Variants in SH2D3C observed in about 807,000 individuals in gnomAD.
SH2D3C encodes SH2 domain-containing protein 3C.
SH2D3C carries 25 observed loss-of-function variants against 75.2 expected under a neutral mutation model. That is an observed-to-expected ratio of 0.33 (90% confidence interval 0.24 to 0.46). The LOEUF (loss-of-function observed/expected upper bound fraction) is 0.46, where lower values mean the gene tolerates loss of function less well. Among genes scored for constraint, SH2D3C ranks in the 20% least tolerant of loss-of-function variants. The pLI is 1.00. For synonymous variants in SH2D3C, 450 were observed against 473.7 expected, an observed-to-expected ratio of 0.95 and a Z score of 0.65; for missense variants, 933 against 1,165.3, an observed-to-expected ratio of 0.80 and a Z score of 2.90.
intron 2 of SH2D3C, among the ~76,000 whole-genome samples, chr9:127,768,949 C>T (rs1845684934): frequency 6.6e-6 from 1 of 152,242 alleles, no homozygotes; most frequent in South Asian, 2.1e-4. Flanking sequence ...CACTTCCTCA[C>T]TGAGCCTTTC....
At chr9:127,769,226 A>G (rs537184838) in intron 2 of SH2D3C, among the ~76,000 whole-genome samples, 108 of 152,346 alleles carry the variant, frequency 7.1e-4, no homozygotes, top group African/African-American at 2.5e-3. Flanking sequence ...GACAATGAAT[A>G]TCATTCCCAT....
chr9:127,758,609 GCT>G (rs1410628129), intron 3 of SH2D3C, among the ~76,000 whole-genome samples: 1 of 152,122 alleles, frequency 6.6e-6, no homozygotes, highest in Non-Finnish European at 1.5e-5. Context: ...GCTACCCTGG[GCT>G]CTGTTTCTGG....
chr9:127,760,143 T>A (rs1242969802), intron 3 of SH2D3C, among the ~76,000 whole-genome samples: 2 of 151,882 alleles, frequency 1.3e-5, no homozygotes, highest in African/African-American at 2.4e-5. Context: ...CTTAAAAAAA[T>A]AATAATAAAA....
rs1160964139 is a variant in SH2D3C, at chr9:127,739,339, C to T, written c.2407+343G>A. ...AGCGGCCCAACATGGTGGAACCCCA[C>T]CTCTACTAAAAATACAAAAAATTGG... On this transcript the variant is annotated intron_variant, in intron 11 of 11. Transcript: ENST00000314830. The surrounding 1 kb of genome is among the most constrained non-coding windows in gnomAD (Gnocchi z 4.3). Among the ~76,000 whole-genome samples the T allele has an allele frequency of 1.3e-5, 2 of 151,824 alleles. No individual in the cohort carries two copies. Among genetic ancestry groups the T allele is most frequent in the Admixed American group, 6.6e-5 (1 of 15,224 alleles).
At chr9:127,771,073 C>T (rs1845727162) in intron 2 of SH2D3C, 1 of 780,780 alleles carries the variant, frequency 1.3e-6, no homozygotes, top group Non-Finnish European at 2.0e-6. Context: ...TTAGAAAAGT[C>T]CCTGATGCTA....
At chr9:127,760,438 A>C (rs1407655002) in intron 3 of SH2D3C, among the ~76,000 whole-genome samples, 1 of 152,060 alleles carries the variant, frequency 6.6e-6, no homozygotes, top group Non-Finnish European at 1.5e-5. Context: ...CACCATTAAG[A>C]GTATGTGGTG....
chr9:127,774,320 T>C lies in SH2D3C; in HGVS notation c.185A>G (p.Lys62Arg). The C allele has an allele frequency of 5.6e-6, 9 of 1,614,012 alleles. No homozygotes were observed. The highest frequency in any genetic ancestry group is 7.6e-6 in the Non-Finnish European group (9 of 1,180,006). Residue 62 changes from lysine (K) to arginine (R), a missense_variant, in exon 2 of 12, where the codon AAG (lysine) becomes AGG (arginine). Coordinates refer to ENST00000314830, the MANE Select transcript of SH2D3C (RefSeq NM_170600.3). This position sits in a 1 kb window ranked among gnomAD's most constrained non-coding sequence, Gnocchi z 4.3. ...GGAGCGGGCATAGGCTGGGGGACTC[T>C]TGGGCACCGTCACCATGTCATCCTG... is the stretch of plus-strand genomic sequence containing the variant. ...ATQDDMVTVP[K>R]SPPAYARSSD...
At chr9:127,773,903 G>GCTGT in intron 2 of SH2D3C, 87 bp downstream of exon 2, 1 of 771,720 alleles carries the variant, frequency 1.3e-6, no homozygotes. Context: ...GAGAGACAGA[G>GCTGT]CGACACTCTG....
At chr9:127,750,609 T>C (rs1435200211) in intron 4 of SH2D3C, among the ~76,000 whole-genome samples, 1 of 152,210 alleles carries the variant, frequency 6.6e-6, no homozygotes, top group Non-Finnish European at 1.5e-5. Flanking sequence ...CCCTGGGCCA[T>C]TAGCCATCAA....
At chr9:127,756,072 A>C (rs1238110023) in intron 3 of SH2D3C, among the ~76,000 whole-genome samples, 1 of 152,162 alleles carries the variant, frequency 6.6e-6, no homozygotes, top group Non-Finnish European at 1.5e-5. Context: ...GACCGGGGCA[A>C]GTGCATCACT....
In SH2D3C at chr9:127,761,065, T is replaced by C. The variant is rs559243914; in HGVS notation, c.555+546A>G. On this transcript the variant is annotated intron_variant, in intron 3 of 11. Coordinates refer to ENST00000314830, the MANE Select transcript of SH2D3C (RefSeq NM_170600.3). ...CATGTTGGCCAGACTGGTCCTGCATTCCTGACCTCAGGTGATCCACCCGCC... is the reference window on the plus strand; with the variant it reads ...CATGTTGGCCAGACTGGTCCTGCATCCCTGACCTCAGGTGATCCACCCGCC... Among the ~76,000 whole-genome samples, 380 of 152,262 alleles carry C rather than the reference T, an allele frequency of 2.5e-3. 2 individuals are homozygous for C. The highest frequency in any genetic ancestry group is 8.9e-3 in the African/African-American group (368 of 41,548).
chr9:127,744,812 C>G lies in SH2D3C; in HGVS notation c.1552G>C (p.Ala518Pro). 4 of 1,614,222 alleles carry G rather than the reference C, an allele frequency of 2.5e-6. No individual in the cohort carries two copies. Among genetic ancestry groups the G allele is most frequent in the Non-Finnish European group, 3.4e-6 (4 of 1,180,042 alleles). ...TTTAGCCTCTCCCCATAGCTCCTGGCCTGCTGGCTGGAGGTCTCAGTCGCT... is the reference window on the plus strand; with the variant it reads ...TTTAGCCTCTCCCCATAGCTCCTGGGCTGCTGGCTGGAGGTCTCAGTCGCT... ...WAATETSSQQ[A>P]RSYGERLKEL... Residue 518 changes from alanine (A) to proline (P), a missense_variant, in exon 7 of 12, where the codon GCC becomes CCC. Coordinates refer to ENST00000314830, the MANE Select transcript of SH2D3C (RefSeq NM_170600.3).
At chr9:127,747,935 A>T (rs565838422) in intron 5 of SH2D3C, among the ~76,000 whole-genome samples, 1 of 152,162 alleles carries the variant, frequency 6.6e-6, no homozygotes, top group East Asian at 1.9e-4. Context: ...CAGCCTGAGG[A>T]TGAGGCTTGG....
rs1415884213 is a variant in SH2D3C at position 127,766,845 on chromosome 9, C to G, written c.516-5195G>C. The G allele has an allele frequency of 2.3e-6, 3 of 1,306,220 alleles. No individual in the cohort carries two copies. In the African/African-American group the frequency reaches 4.4e-5, roughly 19 times the overall value. The allele number at this position is 1,306,220 out of a possible 1,614,324, so 80.9% of individuals were successfully genotyped here. On this transcript the variant is annotated intron_variant, in intron 2 of 11. Transcript: ENST00000314830. The stretch of plus-strand genomic sequence containing the variant: ...TTGGCCTCCCAAAGTGCTGGGGTTA[C>G]AGGCGTGAGCCCTGTGCCCAGCTTC...
At chr9:127,742,528 C>G in intron 8 of SH2D3C, 1 of 264,566 alleles carries the variant, frequency 3.8e-6, no homozygotes, top group Non-Finnish European at 7.2e-6. Context: ...CGAGCCACCG[C>G]GCCCGGCCAG....
At position 127,754,911 on chromosome 9, in the gene SH2D3C, G is replaced by A. The variant is rs545963765; in HGVS notation, c.556-3611C>T. ...CCGCGGAGCGCCTGGGCGCCCAGAG[G>A]TGAGGCTGGGGTGACCCCGCCCCCT... On this transcript the variant is annotated intron_variant, in intron 3 of 11. Transcript: ENST00000314830. This position sits in a 1 kb window ranked among gnomAD's most constrained non-coding sequence, Gnocchi z 4.4. 53 of 517,072 alleles carry A rather than the reference G, an allele frequency of 1.0e-4. 1 individual carries two copies. The highest frequency in any genetic ancestry group is 6.5e-4 in the South Asian group (42 of 64,578). 32.0% of individuals were successfully genotyped at this position (517,072 alleles called of 1,614,324 possible).
chr9:127,755,185 G>C, intron 3 of SH2D3C: 2 of 1,210,716 alleles, frequency 1.7e-6, no homozygotes, highest in Non-Finnish European at 2.1e-6. Context: ...CCGGGGCCGG[G>C]ACGGTGTGGG....
chr9:127,775,991 A>G (rs1413872372), intron 1 of SH2D3C, among the ~76,000 whole-genome samples: 1 of 151,738 alleles, frequency 6.6e-6, no homozygotes, highest in African/African-American at 2.4e-5. Flanking sequence ...ACCACGCCCA[A>G]CTGGTTTTTG....
Position 127,756,010 on chromosome 9 carries a change from G to A in SH2D3C, c.556-4710C>T, listed in dbSNP as rs1845369920. ...TTTCAAGCTTCCTGTCTTAGAAACT[G>A]GACTTTTTGGCCTGGCATGGTGGCT... On this transcript the variant is annotated intron_variant, in intron 3 of 11. Transcript: ENST00000314830. 2.0e-5 allele frequency among the ~76,000 whole-genome samples: 3 copies of A among 152,320 alleles called. No individual in the cohort carries two copies. In the South Asian group the frequency reaches 6.2e-4, roughly 32 times the overall value.
Sources: gnomAD v4.1 joint callset for allele counts (sites outside exome capture counted in the v4.1 genomes callset) on GRCh38, gnomAD v4.1.1 for gene constraint, Gnocchi (gnomAD v3.1) non-coding constraint, MANE v1.5 for transcripts, NCBI Gene and HGNC (gene_info 2026-07-23, HGNC 2026-07-21) for gene names.